ARHGEF10L: variants seen among roughly 807,000 people sequenced by gnomAD.
ARHGEF10L encodes the protein Rho guanine nucleotide exchange factor 10 like, also known as rho guanine nucleotide exchange factor 10-like protein.
A neutral mutation model predicts 141.2 loss-of-function variants in ARHGEF10L; 69 were observed. The ratio of observed to expected loss-of-function variants is 0.49; its 90% CI spans 0.40 to 0.60. The LOEUF (loss-of-function observed/expected upper bound fraction) is 0.60. Among genes scored for constraint, ARHGEF10L ranks in the 20% least tolerant of loss-of-function variants. The pLI, the probability that ARHGEF10L is intolerant of heterozygous loss-of-function variation, is 0.00. For missense variants in ARHGEF10L, 1,482 were observed against 1,734.3 expected, an observed-to-expected ratio of 0.85 and a Z score of 2.58; for synonymous variants, 711 against 718.5, an observed-to-expected ratio of 0.99 and a Z score of 0.17.
chr1:17,677,503 G>A (rs2063797812), intron 26 of ARHGEF10L, among the ~76,000 whole-genome samples: 1 of 152,210 alleles, frequency 6.6e-6, no homozygotes, highest in South Asian at 2.1e-4. Context: ...GTGGGCACTG[G>A]CTGGAGCTTT....
chr1:17,648,647 C>T lies in ARHGEF10L; in HGVS notation c.2366C>T (p.Ala789Val), dbSNP rs1456654326. The T allele has an allele frequency of 6.2e-7, 1 of 1,612,918 alleles. No homozygotes were observed. The highest frequency in any genetic ancestry group is 1.1e-5 in the South Asian group (1 of 91,026). Reference protein sequence around the residue: ...WCPILACCIPAFSSRALSLQL... With the variant: ...WCPILACCIPVFSSRALSLQL... ...CCGATCCTGGCCTGCTGCATCCCTG[C>T]CTTCTCCTCCCGGGCACTCAGCCTG... is the stretch of plus-strand genomic sequence containing the variant. The change falls in exon 22 of 29, where the codon GCC (alanine) becomes GTC (valine). Residue 789 changes from alanine to valine, a missense_variant. Transcript: ENST00000361221.
At chr1:17,572,902 T>C (rs1206454505) in intron 1 of ARHGEF10L, among the ~76,000 whole-genome samples, 1 of 152,050 alleles carries the variant, frequency 6.6e-6, no homozygotes, top group African/African-American at 2.4e-5. Flanking sequence ...CCCTGGAGGC[T>C]TTAGTTCAGC....
chr1:17,696,915 C>G lies in ARHGEF10L; in HGVS notation c.3375C>G (p.Ile1125Met). Residue 1125 changes from isoleucine (I) to methionine (M), a missense_variant, in exon 29 of 29, where the codon ATC becomes ATG. By Grantham distance (10) the Ile-to-Met change is conservative. This residue lies in a region of ARHGEF10L where 858 missense variants were observed against 966.3 expected (regional missense o/e 0.89). Transcript: ENST00000361221. ...PVAFLAVATS[I>M]LAPDILRSDQ... ...CCTTCCTGGCTGTGGCTACCAGCATCCTGGCCCCTGACATCCTGCGGAGTG... is the reference window on the plus strand; with the variant it reads ...CCTTCCTGGCTGTGGCTACCAGCATGCTGGCCCCTGACATCCTGCGGAGTG... The G allele has an allele frequency of 6.2e-7, 1 of 1,609,448 alleles. No individual in the cohort carries two copies. Among genetic ancestry groups the G allele is most frequent in the Non-Finnish European group, 8.5e-7 (1 of 1,177,750 alleles).
intron 26 of ARHGEF10L, among the ~76,000 whole-genome samples, chr1:17,686,106 C>CTT (rs981055264): frequency 4.0e-5 from 4 of 99,390 alleles, no homozygotes; most frequent in African/African-American, 1.7e-4. Flanking sequence ...TTCTTTCTTT[C>CTT]TTTTTTTTTT....
the ARHGEF10L span, among the ~76,000 whole-genome samples, chr1:17,525,001 C>T: frequency 3.7e-4 from 57 of 152,300 alleles, no homozygotes; most frequent in African/African-American, 1.4e-3. Context: ...ACAGAGACCC[C>T]CTTCCCCCAT....
At chr1:17,591,826 G>T (rs2079570910) in intron 4 of ARHGEF10L, among the ~76,000 whole-genome samples, 2 of 152,200 alleles carry the variant, frequency 1.3e-5, no homozygotes, top group Admixed American at 1.3e-4. Context: ...GGGATTACAG[G>T]CATGAACCAC....
rs1388110576 is a variant in ARHGEF10L, at chr1:17,602,145, C to T, written c.276C>T (p.Ser92=). ...CCCGCAGGGTGCCAGCCTGGGTGAG[C>T]AATGGGGATGCAGCGGACGCAGCCT... ...PPGTGVPAWV[S]NGDAADAAFS... is the part of the protein sequence containing the mutation. The change falls in exon 5 of 29, where the codon AGC becomes AGT. Residue 92 remains serine, a synonymous_variant. Transcript: ENST00000361221. 3 of 1,576,692 alleles carry T rather than the reference C, an allele frequency of 1.9e-6. No individual in the cohort carries two copies. The highest frequency in any genetic ancestry group is 2.6e-6 in the Non-Finnish European group (3 of 1,161,042).
chr1:17,543,887 A>G (rs1363408226), intron 1 of ARHGEF10L, among the ~76,000 whole-genome samples: 4 of 145,902 alleles, frequency 2.7e-5, no homozygotes, highest in Admixed American at 1.4e-4. Context: ...ACCTCAGGTG[A>G]TCCACCTGCC....
chr1:17,531,932 G>C, the ARHGEF10L span, among the ~76,000 whole-genome samples: 1 of 152,224 alleles, frequency 6.6e-6, no homozygotes, highest in Non-Finnish European at 1.5e-5. Flanking sequence ...TTCTGGGGCT[G>C]GTGCCAGGCT....
At chr1:17,648,443 G>T in intron 21 of ARHGEF10L, 111 bp from the exon 22 acceptor site, 1 of 1,390,480 alleles carries the variant, frequency 7.2e-7, no homozygotes, top group Non-Finnish European at 9.8e-7. Flanking sequence ...GACTGGATGG[G>T]GCCAGGCTTC....
At chr1:17,630,457 A>G (rs2060616685) in intron 15 of ARHGEF10L, among the ~76,000 whole-genome samples, 1 of 152,032 alleles carries the variant, frequency 6.6e-6, no homozygotes, top group African/African-American at 2.4e-5. Context: ...TGGTCTCTTG[A>G]GTTGGCGTTT....
the ARHGEF10L span, among the ~76,000 whole-genome samples, chr1:17,522,415 G>T: frequency 6.6e-6 from 1 of 152,164 alleles, no homozygotes; most frequent in Non-Finnish European, 1.5e-5. Context: ...GAGGCTCAGA[G>T]ACGTCAGGTG....
intron 10 of ARHGEF10L, among the ~76,000 whole-genome samples, chr1:17,620,111 G>A (rs2060026435): frequency 6.6e-6 from 1 of 151,594 alleles, no homozygotes; most frequent in Non-Finnish European, 1.5e-5. Flanking sequence ...GCTGAGGCAG[G>A]AGAATCACTT....
chr1:17,514,924 C>T, the ARHGEF10L span, among the ~76,000 whole-genome samples: 14 of 152,198 alleles, frequency 9.2e-5, no homozygotes, highest in Admixed American at 9.2e-4. Context: ...CAGCCCACCT[C>T]GGCCCGGCAC....
intron 1 of ARHGEF10L, among the ~76,000 whole-genome samples, chr1:17,580,321 G>A (rs1469888010): frequency 1.3e-5 from 2 of 152,246 alleles, no homozygotes; most frequent in South Asian, 2.1e-4. Context: ...ACTGGCAACA[G>A]GAAGGTCTGT....
intron 7 of ARHGEF10L, among the ~76,000 whole-genome samples, chr1:17,608,325 A>T (rs2081363158): frequency 6.6e-6 from 1 of 152,152 alleles, no homozygotes; most frequent in African/African-American, 2.4e-5. Flanking sequence ...CACTCCAGGT[A>T]GCCCAGCCAC....
intron 5 of ARHGEF10L, among the ~76,000 whole-genome samples, chr1:17,602,897 G>A (rs1014911346): frequency 1.3e-5 from 2 of 152,002 alleles, no homozygotes; most frequent in Non-Finnish European, 2.9e-5. Flanking sequence ...AGGCTATCGT[G>A]GTCTTGTAGG....
chr1:17,550,615 T>G (rs1158710367), intron 1 of ARHGEF10L, among the ~76,000 whole-genome samples: 2 of 144,654 alleles, frequency 1.4e-5, no homozygotes, highest in East Asian at 2.1e-4. Flanking sequence ...TGCAGTATAG[T>G]GTGGGCAACG....
At position 17,624,367 on chromosome 1, in the gene ARHGEF10L, C is replaced by T; in HGVS notation, c.1201-20C>T. 1 of 1,599,898 alleles carries T rather than the reference C, an allele frequency of 6.3e-7. No individual in the cohort carries two copies. The highest frequency in any genetic ancestry group is 1.7e-5 in the Admixed American group (1 of 60,008). On this transcript the variant is annotated intron_variant, in intron 12 of 28. Coordinates refer to ENST00000361221, the MANE Select transcript of ARHGEF10L (RefSeq NM_018125.4). ...CCTGCATTGAGGCGGTCTCCCTGGC[C>T]CACACCTGCCTTGTTTCAGTTTTCC...
Sources: gnomAD v4.1 joint callset for allele counts (sites outside exome capture counted in the v4.1 genomes callset) on GRCh38, gnomAD v4.1.1 for gene constraint, gnomAD v4.1.1 regional missense constraint, MANE v1.5 for transcripts, NCBI Gene and HGNC (gene_info 2026-07-23, HGNC 2026-07-21) for gene names.